Variants in CDYL observed in about 807,000 individuals in gnomAD.
The protein encoded by CDYL is chromodomain Y-like protein.
A neutral mutation model predicts 47.3 loss-of-function variants in CDYL; 8 were observed. That is an observed-to-expected ratio of 0.17 (90% confidence interval 0.10 to 0.31). The LOEUF is 0.31. Among genes scored for constraint, CDYL ranks in the 10% least tolerant of loss-of-function variants. The probability of loss-of-function intolerance (pLI) is 1.00; values close to 1 mark genes in which losing one functional copy is unlikely to be tolerated. For missense variants in CDYL, 471 were observed against 701.4 expected, an observed-to-expected ratio of 0.67 and a Z score of 3.71; for synonymous variants, 266 against 265.0, an observed-to-expected ratio of 1.00 and a Z score of -0.04.
intron 1 of CDYL, among the ~76,000 whole-genome samples, chr6:4,861,652 T>C (rs1360814891): frequency 1.1e-4 from 16 of 152,228 alleles, no homozygotes; most frequent in Admixed American, 6.5e-5. Context: ...GTTGAAGTTA[T>C]CTTAACTTCA....
chr6:4,846,322 T>C (rs1348541173), intron 1 of CDYL, among the ~76,000 whole-genome samples: 2 of 152,208 alleles, frequency 1.3e-5, no homozygotes, highest in Non-Finnish European at 2.9e-5. Context: ...CTATTAACTT[T>C]CTTGAGAAAC....
At chr6:4,744,255 G>A (rs1757849191) in intron 3 of CDYL, among the ~76,000 whole-genome samples, 1 of 152,210 alleles carries the variant, frequency 6.6e-6, no homozygotes, top group Non-Finnish European at 1.5e-5. Flanking sequence ...CACTCTGGGA[G>A]GCTGAGGTGG....
At chr6:4,802,774 C>T (rs563861560) in intron 1 of CDYL, among the ~76,000 whole-genome samples, 1 of 148,470 alleles carries the variant, frequency 6.7e-6, no homozygotes, top group South Asian at 2.2e-4. Flanking sequence ...GAGTCAGCCA[C>T]CATCCTTTTT....
intron 3 of CDYL, among the ~76,000 whole-genome samples, chr6:4,758,646 G>A (rs1334992953): frequency 6.6e-6 from 1 of 151,912 alleles, no homozygotes; most frequent in African/African-American, 2.4e-5. Context: ...CTGGGCAACA[G>A]AGAGAGACTC....
At chr6:4,794,694 C>A (rs185750749) in intron 1 of CDYL, among the ~76,000 whole-genome samples, 33 of 152,226 alleles carry the variant, frequency 2.2e-4, no homozygotes, top group Non-Finnish European at 2.9e-4. Context: ...ACTCGTATCT[C>A]GTCTCTCTCA....
At chr6:4,710,571 G>A (rs1036291991) in intron 1 of CDYL, among the ~76,000 whole-genome samples, 3 of 152,044 alleles carry the variant, frequency 2.0e-5, no homozygotes, top group Non-Finnish European at 2.9e-5. Flanking sequence ...GAGGGAGGGA[G>A]GGAGGAACCC....
At chr6:4,936,471 A>G (rs1260720256) in intron 3 of CDYL, among the ~76,000 whole-genome samples, 1 of 152,228 alleles carries the variant, frequency 6.6e-6, no homozygotes, top group Non-Finnish European at 1.5e-5. Flanking sequence ...AGAAAACTTA[A>G]CTACAGAAAG....
intron 1 of CDYL, among the ~76,000 whole-genome samples, chr6:4,872,048 G>A (rs1467714210): frequency 1.3e-5 from 2 of 152,188 alleles, no homozygotes; most frequent in East Asian, 3.9e-4. Flanking sequence ...CTCAGTATGT[G>A]TGCGCAAGTG....
chr6:4,926,049 G>T (rs1757864469), intron 2 of CDYL, among the ~76,000 whole-genome samples: 3 of 152,110 alleles, frequency 2.0e-5, no homozygotes, highest in African/African-American at 4.8e-5. Context: ...TTTTTTATTG[G>T]AAGTCTACTA....
chr6:4,718,746 C>A (rs1757315702), intron 2 of CDYL, among the ~76,000 whole-genome samples: 1 of 151,990 alleles, frequency 6.6e-6, no homozygotes, highest in Admixed American at 6.6e-5. Context: ...TTTTAAAAAA[C>A]AAAACTTGGA....
At chr6:4,723,783 A>G (rs1306718167) in intron 2 of CDYL, among the ~76,000 whole-genome samples, 1 of 152,236 alleles carries the variant, frequency 6.6e-6, no homozygotes, top group Non-Finnish European at 1.5e-5. Context: ...TTGGCAACTT[A>G]AAAATCTAAG....
At chr6:4,822,515 A>G (rs542666945) in intron 1 of CDYL, among the ~76,000 whole-genome samples, 70 of 152,230 alleles carry the variant, frequency 4.6e-4, no homozygotes, top group African/African-American at 1.3e-3. Flanking sequence ...TATAAAAGCT[A>G]TTTTACCATT....
rs977798265 is a variant in CDYL, at chr6:4,756,655, C to A, written c.186+21811C>A. Among the ~76,000 whole-genome samples the A allele has an allele frequency of 1.1e-4, 16 of 150,820 alleles. 1 individual carries two copies. The highest frequency in any genetic ancestry group is 2.4e-4 in the Non-Finnish European group (16 of 67,882). On this transcript the variant is annotated intron_variant, in intron 3 of 8. Transcript: ENST00000328908. ...GTCAGATTTTAAAATTCCTAGAGGG[C>A]AAAATGAATTACAACCATCTTCTAC...
At chr6:4,753,473 T>C (rs1042731734) in intron 3 of CDYL, among the ~76,000 whole-genome samples, 3 of 152,168 alleles carry the variant, frequency 2.0e-5, no homozygotes, top group Admixed American at 6.5e-5. Context: ...TTTTGAGAAA[T>C]AATGTTTGTG....
intron 3 of CDYL, among the ~76,000 whole-genome samples, chr6:4,746,464 A>T (rs145307691): frequency 3.5e-4 from 54 of 152,228 alleles, no homozygotes; most frequent in African/African-American, 7.9e-4. Flanking sequence ...TAATGCAGTG[A>T]TGAAATGGTG....
intron 3 of CDYL, among the ~76,000 whole-genome samples, chr6:4,756,084 T>C (rs145589653): frequency 6.6e-6 from 1 of 152,296 alleles, no homozygotes; most frequent in Non-Finnish European, 1.5e-5. Flanking sequence ...GTTCACACAC[T>C]TACCCATTAA....
At chr6:4,865,790 GT>G (rs1292533096) in intron 1 of CDYL, among the ~76,000 whole-genome samples, 2 of 152,188 alleles carry the variant, frequency 1.3e-5, no homozygotes, top group African/African-American at 4.8e-5. Context: ...CGGTAGCATA[GT>G]TTCAAAATAG....
At chr6:4,870,096 G>C (rs901080075) in intron 1 of CDYL, among the ~76,000 whole-genome samples, 1 of 151,588 alleles carries the variant, frequency 6.6e-6, no homozygotes, top group Non-Finnish European at 1.5e-5. Flanking sequence ...ATGGGGTCTT[G>C]ATCTTTTGCA....
chr6:4,720,032 A>C (rs1757339441), intron 2 of CDYL, among the ~76,000 whole-genome samples: 1 of 152,228 alleles, frequency 6.6e-6, no homozygotes, highest in South Asian at 2.1e-4. Context: ...TAAGTCCATT[A>C]ATCTTTACTG....
Sources: allele counts gnomAD v4.1 joint callset (sites outside exome capture counted in the v4.1 genomes callset), GRCh38; gene constraint gnomAD v4.1.1; transcripts MANE v1.5; gene names NCBI Gene and HGNC (gene_info 2026-07-23, HGNC 2026-07-21).